The following DNAJC27 variants were observed in gnomAD, a reference collection of about 807,000 sequenced individuals.
DNAJC27 encodes the protein DnaJ heat shock protein family (Hsp40) member C27.
DNAJC27 carries 25 observed loss-of-function variants against 31.4 expected under a neutral mutation model. The ratio of observed to expected loss-of-function variants is 0.80; its 90% CI spans 0.58 to 1.11. DNAJC27 has a LOEUF of 1.11. DNAJC27 is among the 50% of genes most tolerant of loss of function. The pLI is 0.00. For missense variants in DNAJC27, 356 were observed against 347.3 expected (o/e 1.02, Z -0.20); for synonymous variants, 106 against 112.7 (o/e 0.94, Z 0.37).
chr2:24,954,925 G>T (rs1328625831), intron 5 of DNAJC27, among the ~76,000 whole-genome samples: 1 of 152,130 alleles, frequency 6.6e-6, no homozygotes, highest in African/African-American at 2.4e-5. Context: ...AACAGAGCCA[G>T]ACTCCGTCTC....
chr2:24,956,912 C>T, intron 5 of DNAJC27, 131 bp downstream of exon 5: 1 of 1,091,654 alleles, frequency 9.2e-7, no homozygotes, highest in Admixed American at 2.9e-5. Flanking sequence ...TTCTATCTCA[C>T]TAGATTCTTT....
chr2:24,971,436 C>T (rs1666333906), intron 1 of DNAJC27: 1 of 163,970 alleles, frequency 6.1e-6, no homozygotes, highest in Non-Finnish European at 1.3e-5. Context: ...TCCGCCGGCT[C>T]CCAGGCCCGG....
At chr2:24,961,637 C>A (rs990700417) in intron 3 of DNAJC27, among the ~76,000 whole-genome samples, 1 of 151,800 alleles carries the variant, frequency 6.6e-6, no homozygotes, top group Admixed American at 6.6e-5. Context: ...TGATTCCAAC[C>A]CTTACAGATA....
At chr2:24,959,149 C>T (rs1423509788) in intron 3 of DNAJC27, among the ~76,000 whole-genome samples, 1 of 152,192 alleles carries the variant, frequency 6.6e-6, no homozygotes, top group Non-Finnish European at 1.5e-5. Context: ...GGCCCTTCTA[C>T]AGCAGTTAAC....
intron 3 of DNAJC27, chr2:24,958,565 C>T: frequency 2.4e-6 from 1 of 421,098 alleles, no homozygotes; most frequent in Non-Finnish European, 5.0e-6. Flanking sequence ...TGATCTTGGG[C>T]AAGTCACTTA....
At chr2:24,953,842 G>A (rs929330430) in intron 5 of DNAJC27, among the ~76,000 whole-genome samples, 6 of 152,118 alleles carry the variant, frequency 3.9e-5, no homozygotes, top group Non-Finnish European at 7.3e-5. Context: ...TGAGACCAAA[G>A]CCTGTTTAAA....
upstream of DNAJC27, chr2:24,972,070 G>T: frequency 1.2e-5 from 6 of 513,964 alleles, no homozygotes; most frequent in South Asian, 1.6e-4. Context: ...GCGGTTGGGA[G>T]CGTGGGGAGC....
At chr2:24,955,847 T>C (rs1558552430) in intron 5 of DNAJC27, among the ~76,000 whole-genome samples, 2 of 152,242 alleles carry the variant, frequency 1.3e-5, no homozygotes, top group South Asian at 4.1e-4. Flanking sequence ...TTACTACCCT[T>C]AGATGCTCTC....
chr2:24,955,984 C>T (rs1558552472), intron 5 of DNAJC27, among the ~76,000 whole-genome samples: 1 of 152,204 alleles, frequency 6.6e-6, no homozygotes, highest in East Asian at 1.9e-4. Flanking sequence ...TGTACACATA[C>T]AGGCACAAAG....
Position 24,945,215 on chromosome 2 carries a change from C to T in DNAJC27, c.*2401G>A, listed in dbSNP as rs1461606382. 1.3e-5 allele frequency: 2 copies of T among 152,152 alleles called. No homozygotes were observed. Among genetic ancestry groups the T allele is most frequent in the Non-Finnish European group, 2.9e-5 (2 of 68,042 alleles). 9.4% of individuals were successfully genotyped at this position (152,152 alleles called of 1,614,324 possible). ...TATAGAAATCAGAAAAATTCTAGGACCCTGAAGCTTAACTTGCTTATTTTA... is the reference window on the plus strand; with the variant it reads ...TATAGAAATCAGAAAAATTCTAGGATCCTGAAGCTTAACTTGCTTATTTTA... On this transcript the variant is annotated 3_prime_UTR_variant, in exon 7 of 7. Coordinates refer to ENST00000264711, the MANE Select transcript of DNAJC27 (RefSeq NM_016544.3).
intron 1 of DNAJC27, among the ~76,000 whole-genome samples, chr2:24,967,603 G>A (rs938769460): frequency 4.6e-5 from 7 of 152,004 alleles, no homozygotes; most frequent in African/African-American, 1.7e-4. Context: ...GGGAAGCTGA[G>A]GCAGGAGAAT....
chr2:24,967,824 T>C (rs1666227815), intron 1 of DNAJC27, among the ~76,000 whole-genome samples: 1 of 152,180 alleles, frequency 6.6e-6, no homozygotes, highest in African/African-American at 2.4e-5. Flanking sequence ...GAGTTCTCAA[T>C]CCTGTGCTCT....
At chr2:24,951,293 T>C in intron 6 of DNAJC27, 101 bp downstream of exon 6, 3 of 1,208,302 alleles carry the variant, frequency 2.5e-6, no homozygotes, top group Non-Finnish European at 3.4e-6. Context: ...TACATCTTCG[T>C]ATTTCCAGCC....
Position 24,971,606 on chromosome 2 carries a change from G to A in DNAJC27, c.87+212C>T, listed in dbSNP as rs553052450. The A allele has an allele frequency of 1.2e-5, 6 of 482,404 alleles. No individual in the cohort carries two copies. In the Admixed American group the frequency reaches 2.0e-4, roughly 16 times the overall value. The allele number at this position is 482,404 out of a possible 1,614,324, so 29.9% of individuals were successfully genotyped here. On this transcript the variant is annotated intron_variant, in intron 1 of 6. Coordinates refer to ENST00000264711, the MANE Select transcript of DNAJC27 (RefSeq NM_016544.3). Reference sequence around the variant, plus strand: ...AGAGGCCACCCCAGACACCATCTCCGGAAGAGTGACGTCGGAGGACGAGGG... The same window carrying A: ...AGAGGCCACCCCAGACACCATCTCCAGAAGAGTGACGTCGGAGGACGAGGG...
At chr2:24,953,582 A>G (rs1429019983) in intron 5 of DNAJC27, 2 of 423,736 alleles carry the variant, frequency 4.7e-6, no homozygotes, top group African/African-American at 2.1e-5. Context: ...TCTTCTTGTT[A>G]GCTTTTTTTT....
rs768328690 is a variant in DNAJC27, at chr2:24,957,897, G to A, written c.318C>T (p.Ala106=). 1.9e-6 allele frequency: 3 copies of A among 1,614,112 alleles called. No homozygotes were observed. The highest frequency in any genetic ancestry group is 1.3e-5 in the African/African-American group (1 of 75,034). ...YDVGQKDSFD[A]LDAWLAEMKQ... ...TCATTTCTGCCAGCCACGCATCAAG[G>A]GCGTCAAAGGAGTCTTTCTGCCCAA... The change falls in exon 4 of 7, where the codon GCC becomes GCT. Residue 106 remains alanine (A), a synonymous_variant. Coordinates refer to ENST00000264711, the MANE Select transcript of DNAJC27 (RefSeq NM_016544.3).
At chr2:24,970,054 T>C (rs554830501) in intron 1 of DNAJC27, among the ~76,000 whole-genome samples, 2 of 152,354 alleles carry the variant, frequency 1.3e-5, no homozygotes, top group East Asian at 1.9e-4. Flanking sequence ...TTTGTAGAGT[T>C]TGAAACTTGT....
At position 24,947,356 on chromosome 2, in the gene DNAJC27, G is replaced by A. The variant is rs1443874658; in HGVS notation, c.*260C>T. 1.2e-5 allele frequency: 4 copies of A among 342,410 alleles called. No homozygotes were observed. The highest frequency in any genetic ancestry group is 4.5e-5 in the East Asian group (1 of 22,078). The allele number at this position is 342,410 out of a possible 1,614,324, so 21.2% of individuals were successfully genotyped here. ...GTGATACTATAATTACAGAGCTGAC[G>A]AATGAGAAAAAAATTCAGAATTATC... On this transcript the variant is annotated 3_prime_UTR_variant, in exon 7 of 7. Transcript: ENST00000264711.
intron 6 of DNAJC27, among the ~76,000 whole-genome samples, chr2:24,950,246 T>TG (rs1665736022): frequency 2.6e-5 from 4 of 152,258 alleles, no homozygotes; most frequent in South Asian, 4.2e-4. Context: ...CTTCTGGACT[T>TG]GAAGATACGC....
Sources: gnomAD v4.1 joint callset for allele counts (sites outside exome capture counted in the v4.1 genomes callset) on GRCh38, gnomAD v4.1.1 for gene constraint, MANE v1.5 for transcripts, NCBI Gene and HGNC (gene_info 2026-07-23, HGNC 2026-07-21) for gene names.